FUT8: variants seen among roughly 807,000 people sequenced by gnomAD.
FUT8 encodes the protein alpha-(1,6)-fucosyltransferase.
A neutral mutation model predicts 71.3 loss-of-function variants in FUT8; 29 were observed. The ratio of observed to expected loss-of-function variants is 0.41; its 90% CI spans 0.30 to 0.55. FUT8 has a LOEUF of 0.55. FUT8 is among the 20% of genes least tolerant of loss of function. The pLI is 0.34. For synonymous variants in FUT8, 254 were observed against 239.3 expected, an observed-to-expected ratio of 1.06 and a Z score of -0.57; for missense variants, 544 against 702.1, an observed-to-expected ratio of 0.77 and a Z score of 2.55.
chr14:65,623,054 CTAGATTTTT>C (rs1889711230), intron 5 of FUT8, among the ~76,000 whole-genome samples: 1 of 151,970 alleles, frequency 6.6e-6, no homozygotes, highest in Non-Finnish European at 1.5e-5. Context: ...CTGCAGCCAG[CTAGATTTTT>C]TATTTTTTGT....
intron 7 of FUT8, among the ~76,000 whole-genome samples, chr14:65,691,143 C>A (rs12882200): frequency 0.36 from 54,036 of 150,984 alleles, 12,125 homozygotes; most frequent in Non-Finnish European, 0.5. Flanking sequence ...GGCAAGTTGC[C>A]AACTCTTGGG....
chr14:65,446,658 C>G (rs1441771408), intron 1 of FUT8, among the ~76,000 whole-genome samples: 1 of 144,016 alleles, frequency 6.9e-6, no homozygotes, highest in African/African-American at 2.6e-5. Flanking sequence ...TACATCTAAA[C>G]CTGTGAAGAT....
At chr14:65,425,511 C>T (rs1260990270) in intron 1 of FUT8, among the ~76,000 whole-genome samples, 1 of 150,336 alleles carries the variant, frequency 6.7e-6, no homozygotes, top group Non-Finnish European at 1.5e-5. Context: ...TTCTTTTTCC[C>T]CCTGGTTTTA....
intron 1 of FUT8, among the ~76,000 whole-genome samples, chr14:65,444,607 A>G (rs538639778): frequency 3.0e-4 from 46 of 152,362 alleles, no homozygotes; most frequent in African/African-American, 1.0e-3. Context: ...TGTACCAATT[A>G]TAAAAAGGAA....
intron 7 of FUT8, among the ~76,000 whole-genome samples, chr14:65,675,898 G>A (rs1434372185): frequency 6.6e-6 from 1 of 152,080 alleles, no homozygotes; most frequent in South Asian, 2.1e-4. Flanking sequence ...TCAGGAGGCT[G>A]AGAGGGAAGA....
chr14:65,484,593 G>C (rs1157171076), intron 2 of FUT8, among the ~76,000 whole-genome samples: 1 of 152,114 alleles, frequency 6.6e-6, no homozygotes, highest in African/African-American at 2.4e-5. Flanking sequence ...AAGATTGCTT[G>C]AACTTGGGTG....
At chr14:65,389,808 TAAAAA>T in the FUT8 span, among the ~76,000 whole-genome samples, 1 of 151,370 alleles carries the variant, frequency 6.6e-6, no homozygotes. Context: ...AATTTTATAA[TAAAAA>T]AGATTTAAAA....
intron 2 of FUT8, among the ~76,000 whole-genome samples, chr14:65,476,039 T>G (rs1303193817): frequency 6.6e-6 from 1 of 152,130 alleles, no homozygotes; most frequent in Admixed American, 6.5e-5. Flanking sequence ...GCAATACTTG[T>G]AGGCCTGCAC....
chr14:65,681,107 A>C (rs537718378), intron 7 of FUT8, among the ~76,000 whole-genome samples: 1 of 152,154 alleles, frequency 6.6e-6, no homozygotes, highest in South Asian at 2.1e-4. Flanking sequence ...TTTTCACTGT[A>C]TTTAAACAGT....
the FUT8 span, among the ~76,000 whole-genome samples, chr14:65,388,958 A>G: frequency 2.6e-5 from 4 of 151,458 alleles, no homozygotes; most frequent in African/African-American, 9.7e-5. Context: ...ATATAAATGA[A>G]TATGTTAAAA....
In FUT8 at chr14:65,638,718, G is replaced by C. The variant is rs973183186; in HGVS notation, c.597+9112G>C. Reference sequence around the variant, plus strand: ...TTCTTTGACAGGACTAATTCGTTAAGATAGATTTAAAGCCAGAATATAACT... The same window carrying C: ...TTCTTTGACAGGACTAATTCGTTAACATAGATTTAAAGCCAGAATATAACT... On this transcript the variant is annotated intron_variant, in intron 6 of 10. Coordinates refer to ENST00000673929, the MANE Select transcript of FUT8 (RefSeq NM_001371533.1). This position sits in a 1 kb window ranked among gnomAD's most constrained non-coding sequence, Gnocchi z 4.5. Among the ~76,000 whole-genome samples the C allele has an allele frequency of 6.6e-6, 1 of 152,110 alleles. No homozygotes were observed. The highest frequency in any genetic ancestry group is 2.4e-5 in the African/African-American group (1 of 41,412).
chr14:65,703,247 A>G (rs1158481874), intron 7 of FUT8, among the ~76,000 whole-genome samples: 2 of 152,230 alleles, frequency 1.3e-5, no homozygotes, highest in Non-Finnish European at 2.9e-5. Flanking sequence ...GCCAAAGCCT[A>G]CTTCCCACCA....
chr14:65,724,513 T>C (rs1895582553), intron 9 of FUT8, among the ~76,000 whole-genome samples, 190 bp downstream of exon 9: 1 of 152,260 alleles, frequency 6.6e-6, no homozygotes, highest in African/African-American at 2.4e-5. Context: ...TATCCAATAA[T>C]GCCTTATAAG....
chr14:65,519,823 G>A (rs1003056109), intron 2 of FUT8, among the ~76,000 whole-genome samples: 1 of 151,936 alleles, frequency 6.6e-6, no homozygotes, highest in Non-Finnish European at 1.5e-5. Flanking sequence ...CTTTCACTGA[G>A]GCTGGAGTGC....
At chr14:65,542,369 G>T (rs919826074) in intron 2 of FUT8, among the ~76,000 whole-genome samples, 1 of 152,116 alleles carries the variant, frequency 6.6e-6, no homozygotes, top group Non-Finnish European at 1.5e-5. Flanking sequence ...AACATTATCA[G>T]ATCCCTCTGT....
chr14:65,488,202 T>A (rs2066436380), intron 2 of FUT8: 1 of 152,224 alleles, frequency 6.6e-6, no homozygotes, highest in East Asian at 1.9e-4. Context: ...AGCTTCAAAG[T>A]AGACATATGG....
chr14:65,457,025 G>T (rs2065903173), intron 2 of FUT8, among the ~76,000 whole-genome samples: 1 of 151,958 alleles, frequency 6.6e-6, no homozygotes, highest in Non-Finnish European at 1.5e-5. Flanking sequence ...TTTATATTAA[G>T]AAAATTTGAA....
intron 2 of FUT8, among the ~76,000 whole-genome samples, chr14:65,544,257 A>G (rs143208460): frequency 3.6e-4 from 55 of 152,288 alleles, no homozygotes; most frequent in African/African-American, 1.2e-3. Context: ...AATAACTAAT[A>G]TTTATAGATT....
intron 7 of FUT8, among the ~76,000 whole-genome samples, 181 bp from the exon 8 acceptor site, chr14:65,721,594 A>G (rs1895417289): frequency 6.6e-6 from 1 of 152,196 alleles, no homozygotes; most frequent in African/African-American, 2.4e-5. Flanking sequence ...TGCATGTGAA[A>G]TTCACCTCCG....
Sources: gnomAD v4.1 joint callset for allele counts (sites outside exome capture counted in the v4.1 genomes callset) on GRCh38, gnomAD v4.1.1 for gene constraint, Gnocchi (gnomAD v3.1) non-coding constraint, MANE v1.5 for transcripts, NCBI Gene and HGNC (gene_info 2026-07-23, HGNC 2026-07-21) for gene names.